The following KCNJ16 variants were observed in gnomAD, a reference collection of about 807,000 sequenced individuals.
KCNJ16 encodes inward rectifier potassium channel 16.
A neutral mutation model predicts 18.5 loss-of-function variants in KCNJ16; 15 were observed. The observed-to-expected ratio is 0.81, with a 90% CI of 0.54 to 1.25. The LOEUF (loss-of-function observed/expected upper bound fraction) is 1.25, where lower values mean the gene tolerates loss of function less well. Among genes scored for constraint, KCNJ16 ranks in the 50% most tolerant of loss-of-function variants. KCNJ16 has a pLI of 0.00. For missense variants in KCNJ16, 523 were observed against 525.7 expected (o/e 0.99, Z 0.05); for synonymous variants, 174 against 186.5 (o/e 0.93, Z 0.55).
At position 70,126,503 on chromosome 17, in the gene KCNJ16, T is replaced by C. The variant is rs181943497; in HGVS notation, c.-190-4376T>C. 2.2e-3 allele frequency among the ~76,000 whole-genome samples: 332 copies of C among 152,300 alleles called. 1 individual carries two copies. The highest frequency in any genetic ancestry group is 3.3e-3 in the Non-Finnish European group (224 of 68,020). Reference sequence around the variant, plus strand: ...ACATTAAAAGGTGGCTTCCCATTCATTATCTCATTCAAACTTCACAGTACT... The same window carrying C: ...ACATTAAAAGGTGGCTTCCCATTCACTATCTCATTCAAACTTCACAGTACT... On this transcript the variant is annotated intron_variant, in intron 2 of 3. Coordinates refer to ENST00000392671, the MANE Select transcript of KCNJ16 (RefSeq NM_170741.4).
intron 2 of KCNJ16, among the ~76,000 whole-genome samples, chr17:70,112,406 G>GA (rs928409560): frequency 2.0e-5 from 3 of 150,514 alleles, no homozygotes; most frequent in Admixed American, 2.0e-4. Context: ...GTTTCTAGGG[G>GA]AAAATTACAT....
rs1598196882 is a variant in KCNJ16 at position 70,134,670 on chromosome 17, A to G, written c.*1326A>G. 6.0e-6 allele frequency: 1 copy of G among 167,152 alleles called. No individual in the cohort carries two copies. The allele number at this position is 167,152 out of a possible 1,614,324, so 10.4% of individuals were successfully genotyped here. A position where few individuals can be genotyped will look rare whatever the true frequency, so the allele number is the denominator to read the frequency against. ...AGAGATATTAGGAACATTCAGAATT[A>G]TTTGTGTTTTGTTTTTGTTTTACAT... On this transcript the variant is annotated 3_prime_UTR_variant, in exon 4 of 4. Coordinates refer to ENST00000392671, the MANE Select transcript of KCNJ16 (RefSeq NM_170741.4).
Sources: allele counts gnomAD v4.1 joint callset (sites outside exome capture counted in the v4.1 genomes callset), GRCh38; gene constraint gnomAD v4.1.1; transcripts MANE v1.5; gene names NCBI Gene and HGNC (gene_info 2026-07-23, HGNC 2026-07-21).